The following UGT2B4 variants were observed in gnomAD, a reference collection of about 807,000 sequenced individuals.
The protein encoded by UGT2B4 is UDP glucuronosyltransferase family 2 member B4.
In UGT2B4, 49 loss-of-function variants were observed where a neutral mutation model predicts 49.8. The observed-to-expected ratio is 0.98, with a 90% CI of 0.78 to 1.25. UGT2B4 has a LOEUF of 1.25. UGT2B4 is among the 50% of genes most tolerant of loss of function. The pLI, the probability that UGT2B4 is intolerant of heterozygous loss-of-function variation, is 0.00. For synonymous variants in UGT2B4, 246 were observed against 217.7 expected, an observed-to-expected ratio of 1.13 and a Z score of -1.14; for missense variants, 729 against 627.7, an observed-to-expected ratio of 1.16 and a Z score of -1.73.
At chr4:69,514,197 G>A (rs527306832) in intron 1 of UGT2B4, among the ~76,000 whole-genome samples, 17 of 151,990 alleles carry the variant, frequency 1.1e-4, no homozygotes, top group African/African-American at 3.9e-4. Context: ...CCATTAACTC[G>A]TCATTTACAT....
chr4:69,486,625 G>C lies in UGT2B4; in HGVS notation c.1074C>G (p.Pro358=). Reference sequence around the variant, plus strand: ...GAGACTTACCAAGAAGATCATTCTGGGGTATCCACTTGTACAGCCGAGTAT... The same window carrying C: ...GAGACTTACCAAGAAGATCATTCTGCGGTATCCACTTGTACAGCCGAGTAT... ...GLNTRLYKWI[P]QNDLLGHPKT... Residue 358 remains proline (P), a synonymous_variant, in exon 4 of 6, where the codon CCC becomes CCG. Transcript: ENST00000305107. The C allele has an allele frequency of 1.9e-6, 3 of 1,602,612 alleles. No individual in the cohort carries two copies. Among genetic ancestry groups the C allele is most frequent in the Non-Finnish European group, 2.6e-6 (3 of 1,175,686 alleles).
chr4:69,493,722 G>A lies in UGT2B4; in HGVS notation c.841C>T (p.His281Tyr). 15 of 1,609,740 alleles carry A rather than the reference G, an allele frequency of 9.3e-6. No homozygotes were observed. Among genetic ancestry groups the A allele is most frequent in the Non-Finnish European group, 1.3e-5 (15 of 1,178,362 alleles). Residue 281 changes from histidine to tyrosine, a missense_variant, in exon 2 of 6, where the codon CAC becomes TAC. Physicochemically the swap from His to Tyr is moderately conservative, Grantham distance 83. Transcript: ENST00000305107. ...GGTAGGGGTTTGGCAGGTTTGCAGT[G>A]GAGTCCTCCAACGAACTCAACATTT... is the stretch of plus-strand genomic sequence containing the variant. ...LPNVEFVGGL[H>Y]CKPAKPLPKE...
At chr4:69,495,015 C>T in intron 1 of UGT2B4, 126 bp downstream of exon 1, 1 of 892,974 alleles carries the variant, frequency 1.1e-6, no homozygotes, top group Non-Finnish European at 1.6e-6. Flanking sequence ...GATCATCTTA[C>T]AATTTCATTT....
At chr4:69,502,371 A>G (rs1043514093) in intron 1 of UGT2B4, among the ~76,000 whole-genome samples, 1 of 151,808 alleles carries the variant, frequency 6.6e-6, no homozygotes, top group African/African-American at 2.4e-5. Context: ...AGACCTCCCA[A>G]CTGGGGTCTT....
chr4:69,496,006 G>A (rs2109815622), upstream of UGT2B4: 2 of 1,310,868 alleles, frequency 1.5e-6, no homozygotes, highest in Admixed American at 2.7e-5. Context: ...CTGAGCATGT[G>A]GATGACAAAG....
chr4:69,483,698 A>G (rs1203527836), intron 5 of UGT2B4, among the ~76,000 whole-genome samples: 3 of 152,162 alleles, frequency 2.0e-5, no homozygotes, highest in African/African-American at 7.2e-5. Context: ...ACATAAAAAC[A>G]TTATTAATAG....
In UGT2B4 at chr4:69,518,967, G is replaced by A. The variant is rs1248473130; in HGVS notation, c.-106+6720C>T. Among the ~76,000 whole-genome samples, 3 of 152,252 alleles carry A rather than the reference G, an allele frequency of 2.0e-5. No individual in the cohort carries two copies. In the South Asian group the frequency reaches 6.2e-4, roughly 32 times the overall value. ...ATGCTGTTGACTTATGAGGTGTGACGAAAGGTTTGGTAGGATTTATACAAT... is the reference window on the plus strand; with the variant it reads ...ATGCTGTTGACTTATGAGGTGTGACAAAAGGTTTGGTAGGATTTATACAAT... On this transcript the variant is annotated intron_variant, in intron 1 of 1. Coordinates refer to the UGT2B4 transcript ENST00000510114.
chr4:69,490,666 C>T lies in UGT2B4; in HGVS notation c.871-1096G>A, dbSNP rs556336869. On this transcript the variant is annotated intron_variant, in intron 2 of 5. Coordinates refer to ENST00000305107, the MANE Select transcript of UGT2B4 (RefSeq NM_021139.3). ...CTCTACAAAACAAAGAAAAAAGATT[C>T]CAAATGTTTATTTGCAGACCACATA... 9.2e-5 allele frequency among the ~76,000 whole-genome samples: 14 copies of T among 152,216 alleles called. No homozygotes were observed. In the South Asian group the frequency reaches 2.9e-3, roughly 32 times the overall value.
At chr4:69,497,176 A>G (rs1728191742), upstream of UGT2B4, among the ~76,000 whole-genome samples, 1 of 152,206 alleles carries the variant, frequency 6.6e-6, no homozygotes, top group Non-Finnish European at 1.5e-5. Flanking sequence ...CATACTGATG[A>G]AACTACTGAC....
chr4:69,485,365 A>G lies in UGT2B4; in HGVS notation c.1153T>C (p.Tyr385His). ...GGANGIYEAI[Y>H]HGIPMVGVPL... Reference sequence around the variant, plus strand: ...ACGCCCACCATAGGGATTCCATGGTAGATTGCCTCATAGATGCCATTGGCT... The same window carrying G: ...ACGCCCACCATAGGGATTCCATGGTGGATTGCCTCATAGATGCCATTGGCT... The change falls in exon 5 of 6, where the codon TAC (tyrosine) becomes CAC (histidine). Residue 385 changes from tyrosine to histidine, a missense_variant. Tyr to His is a moderately conservative substitution (Grantham distance 83). Coordinates refer to ENST00000305107, the MANE Select transcript of UGT2B4 (RefSeq NM_021139.3). 1 of 1,614,004 alleles carries G rather than the reference A, an allele frequency of 6.2e-7. No homozygotes were observed. The highest frequency in any genetic ancestry group is 1.7e-4 in the Middle Eastern group (1 of 6,060).
chr4:69,487,622 C>G lies in UGT2B4; in HGVS notation c.1003-926G>C, dbSNP rs1367688266. ...TGGGGGTTGGGAGGAGAGAAAGGATCAGGAAAAATAACTAAAAGGTACTAG... is the reference window on the plus strand; with the variant it reads ...TGGGGGTTGGGAGGAGAGAAAGGATGAGGAAAAATAACTAAAAGGTACTAG... On this transcript the variant is annotated intron_variant, in intron 3 of 5. Coordinates refer to ENST00000305107, the MANE Select transcript of UGT2B4 (RefSeq NM_021139.3). Among the ~76,000 whole-genome samples, 5 of 151,866 alleles carry G rather than the reference C, an allele frequency of 3.3e-5. No individual in the cohort carries two copies. The East Asian group carries it at 9.7e-4, about 29-fold the overall frequency.
chr4:69,500,471 G>T (rs555110414), upstream of UGT2B4, among the ~76,000 whole-genome samples: 309 of 134,390 alleles, frequency 2.3e-3, 1 homozygote, highest in African/African-American at 8.4e-3. Context: ...AAAGGAAGAA[G>T]AAAGGAAGAA....
chr4:69,497,979 C>A (rs1728209851), upstream of UGT2B4, among the ~76,000 whole-genome samples: 1 of 149,716 alleles, frequency 6.7e-6, no homozygotes. Context: ...GAGTTAGTAG[C>A]CAACAACATT....
chr4:69,498,278 A>G (rs1036746302), upstream of UGT2B4, among the ~76,000 whole-genome samples: 7 of 152,242 alleles, frequency 4.6e-5, no homozygotes, highest in African/African-American at 1.7e-4. Context: ...AAATCACTTA[A>G]TATGAGGTAT....
chr4:69,486,556 C>A, intron 4 of UGT2B4, 53 bp downstream of exon 4: 2 of 1,256,714 alleles, frequency 1.6e-6, no homozygotes, highest in Non-Finnish European at 1.1e-6. Flanking sequence ...TAACTATTAA[C>A]ACTTTAATAA....
upstream of UGT2B4, among the ~76,000 whole-genome samples, chr4:69,500,609 G>GC (rs1322205146): frequency 1.0e-5 from 1 of 97,294 alleles, no homozygotes; most frequent in Non-Finnish European, 2.3e-5. Flanking sequence ...AAGCAAGGAA[G>GC]AAAGAAAGAA....
At chr4:69,508,494 C>T (rs1319943933) in intron 1 of UGT2B4, among the ~76,000 whole-genome samples, 1 of 152,014 alleles carries the variant, frequency 6.6e-6, no homozygotes, top group Admixed American at 6.6e-5. Context: ...TATGTGGTAC[C>T]TATACACTAT....
intron 2 of UGT2B4, among the ~76,000 whole-genome samples, chr4:69,490,669 A>G (rs1727956971): frequency 6.6e-6 from 1 of 152,170 alleles, no homozygotes; most frequent in Admixed American, 6.6e-5. Flanking sequence ...AAAGATTCCA[A>G]ATGTTTATTT....
chr4:69,522,059 G>T (rs1728862324), intron 1 of UGT2B4, among the ~76,000 whole-genome samples: 1 of 152,142 alleles, frequency 6.6e-6, no homozygotes, highest in South Asian at 2.1e-4. Flanking sequence ...AAACATCATT[G>T]GTTGGTGAGT....
Sources: allele counts gnomAD v4.1 joint callset (sites outside exome capture counted in the v4.1 genomes callset), GRCh38; gene constraint gnomAD v4.1.1; transcripts MANE v1.5; gene names NCBI Gene and HGNC (gene_info 2026-07-23, HGNC 2026-07-21).